FRMPD4: variants seen among roughly 807,000 people sequenced by gnomAD.
FRMPD4 encodes FERM and PDZ domain containing 4, also known as FERM and PDZ domain-containing protein 4.
Under a neutral mutation model 94.1 loss-of-function variants are expected in FRMPD4, and 22 were observed. The ratio of observed to expected loss-of-function variants is 0.23; its 90% confidence interval spans 0.17 to 0.33. The LOEUF is 0.33. FRMPD4 is among the 10% of genes least tolerant of loss of function. The pLI is 1.00. For synonymous variants in FRMPD4, 631 were observed against 548.6 expected (o/e 1.15, Z -2.10); for missense variants, 1,111 against 1,339.9 (o/e 0.83, Z 2.67).
intron 3 of FRMPD4, among the ~76,000 whole-genome samples, chrX:11,960,240 A>T (rs145035548): frequency 1.8e-5 from 2 of 111,775 alleles, no homozygotes; most frequent in Non-Finnish European, 1.9e-5. Context: ...TTTCCTTTCC[A>T]GCTTGTGTGT....
chrX:11,989,101 C>G (rs1020617200), intron 3 of FRMPD4, among the ~76,000 whole-genome samples: 3 of 111,814 alleles, frequency 2.7e-5, no homozygotes, highest in Non-Finnish European at 5.7e-5. Context: ...AATCCCACTA[C>G]TGGGTATATA....
intron 1 of FRMPD4, among the ~76,000 whole-genome samples, chrX:12,188,850 C>G (rs2056456533): frequency 9.0e-6 from 1 of 111,473 alleles, no homozygotes; most frequent in Admixed American, 9.5e-5. Context: ...TACATGCAGT[C>G]TTATATAAAG....
At chrX:12,552,735 C>T (rs771612106) in intron 2 of FRMPD4, among the ~76,000 whole-genome samples, 6 of 112,313 alleles carry the variant, frequency 5.3e-5, no homozygotes, top group East Asian at 2.8e-4. Flanking sequence ...ATCTATAAAA[C>T]GATATTTATT....
intron 1 of FRMPD4, among the ~76,000 whole-genome samples, chrX:12,333,638 T>C (rs113246068): frequency 0.031 from 3,432 of 111,851 alleles, 126 homozygotes; most frequent in African/African-American, 0.11. Context: ...GTCTATGACA[T>C]GGAGCAGAAA....
At chrX:12,417,520 A>G (rs1332191868) in intron 1 of FRMPD4, among the ~76,000 whole-genome samples, 2 of 102,657 alleles carry the variant, frequency 1.9e-5, no homozygotes, top group African/African-American at 7.1e-5. Flanking sequence ...TGGAGGTTGC[A>G]GTGAGCCAAG....
At chrX:12,062,825 A>G (rs965199748) in intron 3 of FRMPD4, among the ~76,000 whole-genome samples, 4 of 111,636 alleles carry the variant, frequency 3.6e-5, no homozygotes, top group Admixed American at 9.5e-5. Flanking sequence ...TGATTTTTCT[A>G]TTGAGCTGCT....
chrX:11,856,062 C>T (rs1047820231), intron 1 of FRMPD4, among the ~76,000 whole-genome samples: 4 of 111,777 alleles, frequency 3.6e-5, no homozygotes, highest in African/African-American at 9.8e-5. Flanking sequence ...GAGGAGGGCA[C>T]CTCTTCACAG....
At position 12,438,212 on chromosome X, in the gene FRMPD4, T is replaced by C. The variant is rs1160496415; in HGVS notation, c.42-60468T>C. Among the ~76,000 whole-genome samples, 3 of 110,855 alleles carry C rather than the reference T, an allele frequency of 2.7e-5. No homozygotes were observed. The Admixed American group carries it at 2.9e-4, about 11-fold the overall frequency. On this transcript the variant is annotated intron_variant, in intron 1 of 16. Transcript: ENST00000675598. ...TATTTCCACAATTTTAGTAAAGTTC[T>C]AAAAAGTCAGTTTAAGCAGACACAA...
intron 1 of FRMPD4, among the ~76,000 whole-genome samples, chrX:12,242,954 G>A (rs781732638): frequency 9.8e-5 from 11 of 112,396 alleles, no homozygotes; most frequent in African/African-American, 3.2e-4. Context: ...TCCCAGGTTG[G>A]TTTCAGACTC....
At chrX:12,419,693 C>G (rs2056857523) in intron 1 of FRMPD4, among the ~76,000 whole-genome samples, 1 of 111,101 alleles carries the variant, frequency 9.0e-6, no homozygotes, top group Non-Finnish European at 1.9e-5. Context: ...CCTATTTGCT[C>G]CAAGGACACC....
At chrX:12,165,824 A>G (rs1166664191) in intron 1 of FRMPD4, among the ~76,000 whole-genome samples, 1 of 110,806 alleles carries the variant, frequency 9.0e-6, no homozygotes, top group African/African-American at 3.3e-5. Flanking sequence ...TGTGAATGGG[A>G]GTTCACTCAT....
At chrX:12,406,914 G>A (rs2056673308) in intron 1 of FRMPD4, among the ~76,000 whole-genome samples, 1 of 111,832 alleles carries the variant, frequency 8.9e-6, no homozygotes, top group African/African-American at 3.3e-5. Flanking sequence ...GATTTCACTG[G>A]GCTAAAAGCA....
At chrX:11,822,733 C>A (rs1463998383) in intron 1 of FRMPD4, among the ~76,000 whole-genome samples, 1 of 111,671 alleles carries the variant, frequency 9.0e-6, no homozygotes, top group Non-Finnish European at 1.9e-5. Context: ...TCAGGCATGC[C>A]CCCATCTCTA....
At chrX:11,929,359 C>T (rs2054107753) in intron 3 of FRMPD4, among the ~76,000 whole-genome samples, 1 of 112,239 alleles carries the variant, frequency 8.9e-6, no homozygotes, top group Non-Finnish European at 1.9e-5. Context: ...AAACATATAA[C>T]TTCCCTCTGC....
At chrX:11,951,145 G>C (rs1164983463) in intron 3 of FRMPD4, among the ~76,000 whole-genome samples, 1 of 110,535 alleles carries the variant, frequency 9.0e-6, no homozygotes, top group Non-Finnish European at 1.9e-5. Flanking sequence ...CTATTGGTGG[G>C]AATGTAAATT....
intron 5 of FRMPD4, among the ~76,000 whole-genome samples, chrX:12,680,645 A>C (rs970468452): frequency 8.9e-6 from 1 of 112,256 alleles, no homozygotes; most frequent in African/African-American, 3.2e-5. Context: ...GTTTACCCCG[A>C]GTCTGTTGAC....
At chrX:12,603,864 C>G (rs2059106518) in intron 2 of FRMPD4, among the ~76,000 whole-genome samples, 1 of 110,307 alleles carries the variant, frequency 9.1e-6, no homozygotes, top group African/African-American at 3.3e-5. Context: ...TACAGAGGGT[C>G]AAATGATGTT....
chrX:12,104,499 G>C (rs943051561), intron 3 of FRMPD4, among the ~76,000 whole-genome samples: 14 of 112,264 alleles, frequency 1.2e-4, no homozygotes, highest in African/African-American at 4.5e-4. Context: ...GTGGGGCCTG[G>C]ATTTCTATCA....
intron 3 of FRMPD4, among the ~76,000 whole-genome samples, chrX:12,080,501 T>C (rs1020926437): frequency 4.7e-4 from 53 of 111,878 alleles, no homozygotes; most frequent in African/African-American, 1.7e-3. Context: ...AAATTTTAAG[T>C]GAGGAGAAAA....
Sources: gnomAD v4.1 joint callset for allele counts (sites outside exome capture counted in the v4.1 genomes callset) on GRCh38, gnomAD v4.1.1 for gene constraint, MANE v1.5 for transcripts, NCBI Gene and HGNC (gene_info 2026-07-23, HGNC 2026-07-21) for gene names.